The following UHRF2 variants were observed in gnomAD, a reference collection of about 807,000 sequenced individuals.
The protein encoded by UHRF2 is ubiquitin like with PHD and ring finger domains 2.
UHRF2 carries 23 observed loss-of-function variants against 96.8 expected under a neutral mutation model. The observed-to-expected ratio is 0.24, with a 90% CI of 0.17 to 0.34. The LOEUF is 0.34. Ranked by LOEUF, UHRF2 falls within the 10% of genes least tolerant of loss-of-function variation. The pLI is 1.00. For missense variants in UHRF2, 685 were observed against 981.5 expected (o/e 0.70, Z 4.04); for synonymous variants, 385 against 332.6 (o/e 1.16, Z -1.72).
chr9:6,416,511 G>A (rs933521172), intron 1 of UHRF2, among the ~76,000 whole-genome samples: 2 of 143,880 alleles, frequency 1.4e-5, no homozygotes, highest in African/African-American at 5.1e-5. Context: ...TTAAGGAAGA[G>A]ATTATGTTGG....
At chr9:6,476,095 A>G (rs1032143065) in intron 5 of UHRF2, among the ~76,000 whole-genome samples, 6 of 151,890 alleles carry the variant, frequency 4.0e-5, no homozygotes, top group East Asian at 1.9e-4. Context: ...CACAAGATCA[A>G]TTTTTTTTGG....
At chr9:6,500,872 T>C (rs976612747) in intron 14 of UHRF2, among the ~76,000 whole-genome samples, 163 bp downstream of exon 14, 2 of 152,228 alleles carry the variant, frequency 1.3e-5, no homozygotes, top group African/African-American at 2.4e-5. Context: ...GCAACACATA[T>C]ACATGCGCCT....
At chr9:6,420,145 C>A (rs895953931) in intron 1 of UHRF2, among the ~76,000 whole-genome samples, 2 of 151,822 alleles carry the variant, frequency 1.3e-5, no homozygotes, top group African/African-American at 4.8e-5. Context: ...CAACCTCCAC[C>A]TCTGGAGTTC....
chr9:6,446,557 T>C (rs1821517861), intron 3 of UHRF2, among the ~76,000 whole-genome samples: 1 of 151,942 alleles, frequency 6.6e-6, no homozygotes, highest in Admixed American at 6.6e-5. Context: ...TACTCTTAAA[T>C]AATACTTAGA....
intron 12 of UHRF2, 198 bp from the exon 13 acceptor site, chr9:6,499,637 G>A (rs1293937728): frequency 1.0e-5 from 4 of 394,348 alleles, no homozygotes; most frequent in Non-Finnish European, 1.9e-5. Context: ...AGCAGTCACA[G>A]CTACATAAAT....
chr9:6,487,182 CTTTTTTTTTTTT>C lies in UHRF2; in HGVS notation c.1497+271_1497+282del, dbSNP rs1171978950. ...TCTATAGAGCTTTTATTTTTTTTTCCTTTTTTTTTTTTTTTTTTTTTTTTTGAGATGGAGTCT... is the reference window on the plus strand; with the variant it reads ...TCTATAGAGCTTTTATTTTTTTTTCCTTTTTTTTTTTTTGAGATGGAGTCT... On this transcript the variant is annotated intron_variant, in intron 9 of 15. Transcript: ENST00000276893. Among the ~76,000 whole-genome samples the C allele has an allele frequency of 1.3e-4, 9 of 69,586 alleles. 1 individual carries two copies. The East Asian group carries it at 3.4e-3, about 26-fold the overall frequency. 45.7% of individuals were successfully genotyped at this position (69,586 alleles called of 152,430 possible).
At chr9:6,504,040 T>C (rs1382864930) in intron 14 of UHRF2, among the ~76,000 whole-genome samples, 1 of 140,676 alleles carries the variant, frequency 7.1e-6, no homozygotes. Flanking sequence ...TTTTTTTTTT[T>C]TTTAAGACCG....
intron 10 of UHRF2, chr9:6,496,864 C>T (rs536371821): frequency 3.3e-5 from 6 of 180,692 alleles, no homozygotes; most frequent in African/African-American, 7.0e-5. Context: ...AGTTTTCCAA[C>T]GTTCTCCCTT....
Position 6,493,771 on chromosome 9 carries a change from T to A in UHRF2, c.1498-55T>A, listed in dbSNP as rs1382331933. On this transcript the variant is annotated intron_variant, in intron 9 of 15. Transcript: ENST00000276893. ...AATGTTTTGACTCTGAAATAAGAAT[T>A]GATGAAATTATACTTGGGTTTAGCT... 2.9e-5 allele frequency: 42 copies of A among 1,440,118 alleles called. No individual in the cohort carries two copies. In the Admixed American group the frequency reaches 7.6e-4, roughly 26 times the overall value. The allele number at this position is 1,440,118 out of a possible 1,614,324, so 89.2% of individuals were successfully genotyped here. A position where few individuals can be genotyped will look rare whatever the true frequency, so the allele number is the denominator to read the frequency against.
intron 2 of UHRF2, among the ~76,000 whole-genome samples, chr9:6,423,607 T>C (rs542986649): frequency 6.6e-6 from 1 of 152,048 alleles, no homozygotes; most frequent in Admixed American, 6.6e-5. Context: ...GTTTTCTGCA[T>C]TTAAATACAA....
At chr9:6,464,291 A>C (rs778034163) in intron 4 of UHRF2, among the ~76,000 whole-genome samples, 5 of 152,144 alleles carry the variant, frequency 3.3e-5, no homozygotes, top group Non-Finnish European at 5.9e-5. Context: ...TAATTAAATA[A>C]TGTGTCTGAT....
Position 6,506,337 on chromosome 9 carries a change from A to T in UHRF2, c.*158A>T, listed in dbSNP as rs1816581953. On this transcript the variant is annotated 3_prime_UTR_variant, in exon 16 of 16. Transcript: ENST00000276893. ...GCCATCATCTTGTGTGTGTAGTAAGAGGCCCATTTCTCAACTGTCTTTTAA... is the reference window on the plus strand; with the variant it reads ...GCCATCATCTTGTGTGTGTAGTAAGTGGCCCATTTCTCAACTGTCTTTTAA... 2 of 906,352 alleles carry T rather than the reference A, an allele frequency of 2.2e-6. No homozygotes were observed. The highest frequency in any genetic ancestry group is 3.1e-5 in the Admixed American group (1 of 32,276). 56.1% of individuals were successfully genotyped at this position (906,352 alleles called of 1,614,324 possible).
chr9:6,504,828 T>G (rs1816498691), intron 15 of UHRF2, 137 bp downstream of exon 15: 2 of 569,482 alleles, frequency 3.5e-6, no homozygotes, highest in Non-Finnish European at 6.1e-6. Context: ...AGCATTTAGT[T>G]ACGTCTTGGT....
rs368717130 is a variant in UHRF2 at position 6,481,983 on chromosome 9, G to C, written c.1285-9G>C. ...ACTGATTTCTCAACGTTTGTTTTGC[G>C]TCTTGTAGGGAATGGCTTGTGTTGG... On this transcript the variant is annotated splice_polypyrimidine_tract_variant and intron_variant, in intron 7 of 15. Transcript: ENST00000276893. 5 of 1,611,404 alleles carry C rather than the reference G, an allele frequency of 3.1e-6. No homozygotes were observed. In the South Asian group the frequency reaches 4.4e-5, roughly 14 times the overall value.
intron 8 of UHRF2, among the ~76,000 whole-genome samples, chr9:6,485,690 C>T (rs1202926436): frequency 1.4e-5 from 2 of 139,830 alleles, no homozygotes; most frequent in East Asian, 2.2e-4. Context: ...ATTGGCCAGG[C>T]GTGGTGGCTC....
intron 4 of UHRF2, among the ~76,000 whole-genome samples, chr9:6,467,279 A>G (rs918079270): frequency 6.6e-6 from 1 of 152,170 alleles, no homozygotes; most frequent in Non-Finnish European, 1.5e-5. Context: ...TCTCTTTGAC[A>G]GTTCTTTTTG....
intron 14 of UHRF2, among the ~76,000 whole-genome samples, chr9:6,503,448 G>A (rs1816404085): frequency 6.6e-6 from 1 of 151,576 alleles, no homozygotes; most frequent in South Asian, 2.1e-4. Context: ...AGCCAGTAAT[G>A]GCTTTTGAAG....
intron 2 of UHRF2, among the ~76,000 whole-genome samples, chr9:6,430,752 C>T (rs1212539368): frequency 1.3e-5 from 2 of 152,230 alleles, no homozygotes; most frequent in Non-Finnish European, 2.9e-5. Context: ...TTGCCTTTCC[C>T]ATGGAAAACA....
At chr9:6,446,155 G>C (rs541432951) in intron 3 of UHRF2, among the ~76,000 whole-genome samples, 2 of 81,088 alleles carry the variant, frequency 2.5e-5, no homozygotes, top group East Asian at 7.8e-4. Flanking sequence ...ACCTCACCTG[G>C]ATAATTTTTT....
Sources: gnomAD v4.1 joint callset for allele counts (sites outside exome capture counted in the v4.1 genomes callset) on GRCh38, gnomAD v4.1.1 for gene constraint, MANE v1.5 for transcripts, NCBI Gene and HGNC (gene_info 2026-07-23, HGNC 2026-07-21) for gene names.